INPP4B: variants seen among roughly 807,000 people sequenced by gnomAD.
INPP4B encodes inositol polyphosphate-4-phosphatase type II B.
In INPP4B, 55 loss-of-function variants were observed where a neutral mutation model predicts 122.5. The observed-to-expected ratio is 0.45, with a 90% CI of 0.36 to 0.56. INPP4B has a LOEUF of 0.56. Ranked by LOEUF, INPP4B falls within the 20% of genes least tolerant of loss-of-function variation. The pLI is 0.00. For missense variants in INPP4B, 1,000 were observed against 1,097.7 expected, an observed-to-expected ratio of 0.91 and a Z score of 1.26; for synonymous variants, 403 against 388.7, an observed-to-expected ratio of 1.04 and a Z score of -0.43.
intron 2 of INPP4B, among the ~76,000 whole-genome samples, chr4:142,616,088 C>CA (rs1184087056): frequency 3.3e-5 from 5 of 152,132 alleles, no homozygotes; most frequent in Admixed American, 2.6e-4. Flanking sequence ...GCTAGATGGA[C>CA]AAGGTGAGGG....
intron 7 of INPP4B, among the ~76,000 whole-genome samples, chr4:142,395,763 T>G (rs1799158215): frequency 6.6e-6 from 1 of 152,146 alleles, no homozygotes; most frequent in Non-Finnish European, 1.5e-5. Flanking sequence ...TGGATGAAAC[T>G]TGAAGATATT....
chr4:142,505,691 G>C (rs2149839252), intron 2 of INPP4B, among the ~76,000 whole-genome samples: 1 of 152,254 alleles, frequency 6.6e-6, no homozygotes, highest in Non-Finnish European at 1.5e-5. Context: ...AGAGGAGATG[G>C]AAAGGTGGAG....
intron 2 of INPP4B, among the ~76,000 whole-genome samples, chr4:142,673,014 C>T (rs1232931549): frequency 6.6e-6 from 1 of 152,092 alleles, no homozygotes. Context: ...ATTGTCTTTG[C>T]ACCCTTGCCA....
At chr4:142,067,330 A>G (rs1347843937) in intron 25 of INPP4B, among the ~76,000 whole-genome samples, 1 of 152,212 alleles carries the variant, frequency 6.6e-6, no homozygotes, top group South Asian at 2.1e-4. Context: ...GTACATCACC[A>G]TCATCAAAGA....
At chr4:142,316,414 G>C (rs1767688499) in intron 7 of INPP4B, among the ~76,000 whole-genome samples, 2 of 152,132 alleles carry the variant, frequency 1.3e-5, no homozygotes, top group African/African-American at 4.8e-5. Context: ...ACAATGTATT[G>C]TGTGTGCATG....
chr4:142,825,532 C>T (rs1442747916), intron 1 of INPP4B, among the ~76,000 whole-genome samples: 1 of 151,702 alleles, frequency 6.6e-6, no homozygotes, highest in Non-Finnish European at 1.5e-5. Context: ...AATCTCTGAC[C>T]CCAAGAAGCT....
chr4:142,822,826 C>T (rs1780953697), intron 1 of INPP4B, among the ~76,000 whole-genome samples: 1 of 152,134 alleles, frequency 6.6e-6, no homozygotes, highest in South Asian at 2.1e-4. Flanking sequence ...TTTGGAATTC[C>T]TTCTGTTTCA....
At chr4:142,321,223 T>C (rs1055219986) in intron 7 of INPP4B, among the ~76,000 whole-genome samples, 3 of 152,248 alleles carry the variant, frequency 2.0e-5, no homozygotes, top group African/African-American at 4.8e-5. Flanking sequence ...TAATTAGTGA[T>C]GTTGAGCACT....
At chr4:142,759,959 G>T (rs1412429763) in intron 1 of INPP4B, among the ~76,000 whole-genome samples, 1 of 151,758 alleles carries the variant, frequency 6.6e-6, no homozygotes, top group Non-Finnish European at 1.5e-5. Context: ...GAGAAAAGGG[G>T]GGCTTTTTCC....
At chr4:142,324,430 T>C (rs1016899231) in intron 7 of INPP4B, among the ~76,000 whole-genome samples, 1 of 152,162 alleles carries the variant, frequency 6.6e-6, no homozygotes, top group African/African-American at 2.4e-5. Context: ...CATTCCACTA[T>C]ACTTCTTTAA....
chr4:142,405,151 G>C, intron 6 of INPP4B, 55 bp downstream of exon 6: 1 of 1,017,866 alleles, frequency 9.8e-7, no homozygotes, highest in Non-Finnish European at 1.5e-6. Flanking sequence ...AAGAGCGAGC[G>C]AGCCAGCAAG....
intron 1 of INPP4B, among the ~76,000 whole-genome samples, chr4:142,751,610 G>A (rs1769729592): frequency 6.6e-6 from 1 of 151,976 alleles, no homozygotes; most frequent in South Asian, 2.1e-4. Context: ...ATGATTCTGT[G>A]ATTCTATTAA....
At chr4:142,693,807 A>G (rs2150733396) in intron 2 of INPP4B, among the ~76,000 whole-genome samples, 1 of 152,246 alleles carries the variant, frequency 6.6e-6, no homozygotes, top group African/African-American at 2.4e-5. Flanking sequence ...AGAAATGCAA[A>G]TTTAAGGTTG....
At chr4:142,565,262 G>A (rs1731382471) in intron 2 of INPP4B, among the ~76,000 whole-genome samples, 1 of 152,098 alleles carries the variant, frequency 6.6e-6, no homozygotes, top group Non-Finnish European at 1.5e-5. Context: ...AGATGAGCCT[G>A]AAATATTTTG....
intron 25 of INPP4B, among the ~76,000 whole-genome samples, chr4:142,052,798 C>A (rs1207945865): frequency 6.6e-6 from 1 of 151,980 alleles, no homozygotes; most frequent in African/African-American, 2.4e-5. Flanking sequence ...GTATTTGGGA[C>A]AATTGGCCTA....
At chr4:142,126,313 T>G (rs546477682) in intron 18 of INPP4B, among the ~76,000 whole-genome samples, 3 of 152,266 alleles carry the variant, frequency 2.0e-5, no homozygotes, top group Admixed American at 2.0e-4. Flanking sequence ...ATGTGAGTGG[T>G]AAATAATCAG....
intron 1 of INPP4B, among the ~76,000 whole-genome samples, chr4:142,735,866 A>T (rs780901165): frequency 6.6e-6 from 1 of 151,682 alleles, no homozygotes; most frequent in Non-Finnish European, 1.5e-5. Flanking sequence ...TTTAATTTAA[A>T]GTAATTATTA....
chr4:142,416,862 C>T (rs975506415), intron 5 of INPP4B, among the ~76,000 whole-genome samples: 2 of 152,108 alleles, frequency 1.3e-5, no homozygotes, highest in African/African-American at 2.4e-5. Context: ...ATAAAACAAG[C>T]TTCATACAGA....
In INPP4B at chr4:142,411,800, G is replaced by A. The variant is rs186957467; in HGVS notation, c.137-6476C>T. 5.7e-3 allele frequency among the ~76,000 whole-genome samples: 872 copies of A among 152,204 alleles called. 8 individuals are homozygous for A. The highest frequency in any genetic ancestry group is 0.02 in the African/African-American group (813 of 41,522). On this transcript the variant is annotated intron_variant, in intron 5 of 25. Transcript: ENST00000262992. ...CCAGCTACTCGGGAGGCTGAGGCACGAGGATCACTTGAACCAGGGAGGCAG... is the reference window on the plus strand; with the variant it reads ...CCAGCTACTCGGGAGGCTGAGGCACAAGGATCACTTGAACCAGGGAGGCAG...
Sources: allele counts gnomAD v4.1 joint callset (sites outside exome capture counted in the v4.1 genomes callset), GRCh38; gene constraint gnomAD v4.1.1; transcripts MANE v1.5; gene names NCBI Gene and HGNC (gene_info 2026-07-23, HGNC 2026-07-21).